The following RAD21 variants were observed in gnomAD, a reference collection of about 807,000 sequenced individuals.
The protein encoded by RAD21 is RAD21 cohesin complex component.
Under a neutral mutation model 71.5 loss-of-function variants are expected in RAD21, and 18 were observed. The ratio of observed to expected loss-of-function variants is 0.25; its 90% CI spans 0.17 to 0.37. The LOEUF is 0.37. Ranked by LOEUF, RAD21 falls within the 10% of genes least tolerant of loss-of-function variation. The pLI, the probability that RAD21 is intolerant of heterozygous loss-of-function variation, is 1.00. For synonymous variants in RAD21, 248 were observed against 254.0 expected, an observed-to-expected ratio of 0.98 and a Z score of 0.22; for missense variants, 493 against 769.1, an observed-to-expected ratio of 0.64 and a Z score of 4.25.
intron 1 of RAD21, among the ~76,000 whole-genome samples, chr8:116,873,143 C>T (rs1308809099): frequency 6.6e-6 from 1 of 152,188 alleles, no homozygotes; most frequent in Non-Finnish European, 1.5e-5. Flanking sequence ...AAACTAAAAA[C>T]ACAACCTTAT....
At chr8:116,855,813 T>A (rs895418414) in intron 8 of RAD21, among the ~76,000 whole-genome samples, 1 of 152,218 alleles carries the variant, frequency 6.6e-6, no homozygotes, top group Admixed American at 6.5e-5. Flanking sequence ...TGTTTTCCAG[T>A]TGTTACACAA....
At chr8:116,849,954 T>C (rs528116721) in intron 12 of RAD21, among the ~76,000 whole-genome samples, 1 of 151,622 alleles carries the variant, frequency 6.6e-6, no homozygotes, top group East Asian at 1.9e-4. Flanking sequence ...ATTTAAAGGT[T>C]TAAGTAACAT....
intron 9 of RAD21, 99 bp from the exon 10 acceptor site, chr8:116,852,807 A>AT: frequency 1.2e-6 from 1 of 852,330 alleles, no homozygotes; most frequent in Non-Finnish European, 1.6e-6. Context: ...TCTAATAAAT[A>AT]TAAGTGTATA....
intron 1 of RAD21, among the ~76,000 whole-genome samples, chr8:116,871,936 A>G (rs768757546): frequency 2.0e-5 from 3 of 152,224 alleles, no homozygotes; most frequent in African/African-American, 7.2e-5. Context: ...AACATTCGAA[A>G]TAACCTACTT....
At chr8:116,870,857 G>T (rs1385357154) in intron 1 of RAD21, among the ~76,000 whole-genome samples, 1 of 152,152 alleles carries the variant, frequency 6.6e-6, no homozygotes, top group East Asian at 1.9e-4. Context: ...AATTTTAGAC[G>T]TTTTAAAAAT....
In RAD21 at chr8:116,873,038, C is replaced by T. The variant is rs537277422; in HGVS notation, c.-33+1573G>A. 7.2e-5 allele frequency among the ~76,000 whole-genome samples: 11 copies of T among 152,318 alleles called. No homozygotes were observed. The South Asian group carries it at 1.9e-3, about 26-fold the overall frequency. The stretch of plus-strand genomic sequence containing the variant: ...ATACAAGGGCACACCTAACATAGTG[C>T]CACTGCTGATGCGAAAAGTAACTCT... On this transcript the variant is annotated intron_variant, in intron 1 of 13. Transcript: ENST00000297338.
chr8:116,865,759 T>A (rs1812677195), intron 2 of RAD21, among the ~76,000 whole-genome samples: 1 of 152,142 alleles, frequency 6.6e-6, no homozygotes, highest in African/African-American at 2.4e-5. Context: ...GTTTTCTTTG[T>A]GTATATACAT....
intron 7 of RAD21, 44 bp from the exon 8 acceptor site, chr8:116,856,332 GTA>G: frequency 4.2e-6 from 6 of 1,424,972 alleles, no homozygotes; most frequent in Non-Finnish European, 5.5e-6. Context: ...AAAAGCTTTG[GTA>G]TATAACATAT....
Position 116,866,680 on chromosome 8 carries a change from A to C in RAD21, c.50T>G (p.Ile17Ser), listed in dbSNP as rs1812700650. ...CTTATCCCAATGGGCCGCTAGCCAA[A>C]TTTTGGCCAGAGGCCCTCTTTTACT... ...VLSKRGPLAK[I>S]WLAAHWDKKL... Residue 17 changes from isoleucine to serine, a missense_variant, in exon 2 of 14, where the codon ATT (isoleucine) becomes AGT (serine). Around this residue, in one of 5 missense-constraint regions of RAD21, gnomAD observed 27 missense variants for 144.1 expected, o/e 0.19. Transcript: ENST00000297338. 1 of 1,613,480 alleles carries C rather than the reference A, an allele frequency of 6.2e-7. No homozygotes were observed. Among genetic ancestry groups the C allele is most frequent in the Non-Finnish European group, 8.5e-7 (1 of 1,179,754 alleles).
At chr8:116,858,206 G>A (rs1374639073) in intron 5 of RAD21, 146 bp downstream of exon 5, 3 of 626,040 alleles carry the variant, frequency 4.8e-6, no homozygotes, top group Non-Finnish European at 8.2e-6. Flanking sequence ...TAATCTACTG[G>A]TAGAAAGCCA....
Position 116,863,055 on chromosome 8 carries a change from G to C in RAD21, c.274+75C>G, listed in dbSNP as rs528206685. ...CATGTAGATTTAGAAAATGTGTTTA[G>C]CTACAGTAACACAAAAAACATGAGA... is the stretch of plus-strand genomic sequence containing the variant. On this transcript the variant is annotated intron_variant, in intron 3 of 13. Transcript: ENST00000297338. 3.3e-6 allele frequency: 5 copies of C among 1,492,872 alleles called. No individual in the cohort carries two copies. In the East Asian group the frequency reaches 1.1e-4, roughly 34 times the overall value. 92.5% of individuals were successfully genotyped at this position (1,492,872 alleles called of 1,614,324 possible).
chr8:116,854,853 T>G (rs1812429649), intron 8 of RAD21, among the ~76,000 whole-genome samples: 1 of 152,124 alleles, frequency 6.6e-6, no homozygotes, highest in Non-Finnish European at 1.5e-5. Context: ...ACAGATTGAG[T>G]TTTCTTTAAT....
intron 1 of RAD21, among the ~76,000 whole-genome samples, chr8:116,872,537 C>CAT (rs1321338500): frequency 8.1e-6 from 1 of 122,904 alleles, no homozygotes; most frequent in African/African-American, 3.2e-5. Flanking sequence ...TATATATATA[C>CAT]ATACACACAC....
At chr8:116,848,739 T>C (rs867277682) in intron 13 of RAD21, 19 of 431,892 alleles carry the variant, frequency 4.4e-5, no homozygotes, top group Middle Eastern at 1.2e-3. Context: ...GTTTATGTAT[T>C]TAATTAAAAC....
At chr8:116,861,432 A>C (rs1444876215) in intron 4 of RAD21, among the ~76,000 whole-genome samples, 1 of 150,606 alleles carries the variant, frequency 6.6e-6, no homozygotes, top group Non-Finnish European at 1.5e-5. Flanking sequence ...TGTTCATTTA[A>C]AACAAAAATA....
At chr8:116,862,524 T>C (rs762751228) in intron 3 of RAD21, among the ~76,000 whole-genome samples, 1 of 152,128 alleles carries the variant, frequency 6.6e-6, no homozygotes, top group Non-Finnish European at 1.5e-5. Flanking sequence ...ACTGAAGTAC[T>C]AGAATGTATC....
chr8:116,865,146 G>A (rs927345716), intron 2 of RAD21, among the ~76,000 whole-genome samples: 1 of 152,076 alleles, frequency 6.6e-6, no homozygotes, highest in Non-Finnish European at 1.5e-5. Context: ...AATTTGAAGA[G>A]AAATCACTTT....
chr8:116,860,825 A>G (rs1259004932), intron 4 of RAD21, among the ~76,000 whole-genome samples: 1 of 152,152 alleles, frequency 6.6e-6, no homozygotes, highest in Non-Finnish European at 1.5e-5. Context: ...GAGGCTTTAA[A>G]AATTCTTTAC....
intron 8 of RAD21, among the ~76,000 whole-genome samples, chr8:116,854,847 A>T (rs949246387): frequency 1.3e-5 from 2 of 152,186 alleles, no homozygotes; most frequent in Admixed American, 1.3e-4. Flanking sequence ...AAACTCACAG[A>T]TTGAGTTTTC....
Sources: allele counts gnomAD v4.1 joint callset (sites outside exome capture counted in the v4.1 genomes callset), GRCh38; gene constraint gnomAD v4.1.1; regional missense constraint gnomAD v4.1.1; transcripts MANE v1.5; gene names NCBI Gene and HGNC (gene_info 2026-07-23, HGNC 2026-07-21).